The following PADI2 variants were observed in gnomAD, a reference collection of about 807,000 sequenced individuals.
PADI2 encodes peptidyl arginine deiminase 2, also known as protein-arginine deiminase type-2.
PADI2 carries 70 observed loss-of-function variants against 81.1 expected under a neutral mutation model. The ratio of observed to expected loss-of-function variants is 0.86; its 90% CI spans 0.71 to 1.05. PADI2 has a LOEUF of 1.05. Among genes scored for constraint, PADI2 ranks in the 50% least tolerant of loss-of-function variants. The pLI is 0.00. For missense variants in PADI2, 853 were observed against 889.9 expected (o/e 0.96, Z 0.53); for synonymous variants, 338 against 358.0 (o/e 0.94, Z 0.63).
chr1:17,084,591 C>T lies in PADI2; in HGVS notation c.938+8G>A, dbSNP rs2078371102. ...ACGCTGCCTCTCCAGGCTGGGGTCACCCCTTACCAGCACACAAACACCGAC... is the reference window on the plus strand; with the variant it reads ...ACGCTGCCTCTCCAGGCTGGGGTCATCCCTTACCAGCACACAAACACCGAC... On this transcript the variant is annotated splice_region_variant and intron_variant, in intron 8 of 15. Coordinates refer to ENST00000375486, the MANE Select transcript of PADI2 (RefSeq NM_007365.3). 4 of 1,561,474 alleles carry T rather than the reference C, an allele frequency of 2.6e-6. No individual in the cohort carries two copies. Among genetic ancestry groups the T allele is most frequent in the South Asian group, 2.4e-5 (2 of 84,914 alleles).
intron 1 of PADI2, among the ~76,000 whole-genome samples, chr1:17,117,720 T>C (rs1192525660): frequency 6.6e-6 from 1 of 152,204 alleles, no homozygotes; most frequent in Non-Finnish European, 1.5e-5. Context: ...GGGAGGATCA[T>C]GCCAGCTTTT....
At chr1:17,079,881 GC>G (rs1275128185) in intron 10 of PADI2, among the ~76,000 whole-genome samples, 1 of 151,080 alleles carries the variant, frequency 6.6e-6, no homozygotes, top group Non-Finnish European at 1.5e-5. Context: ...TGCAACCTGT[GC>G]CTCTTGGTTC....
intron 1 of PADI2, among the ~76,000 whole-genome samples, chr1:17,108,891 G>T (rs1016470153): frequency 6.6e-6 from 1 of 152,214 alleles, no homozygotes; most frequent in African/African-American, 2.4e-5. Flanking sequence ...GGGAAACTAT[G>T]GCCTCAGGTC....
At chr1:17,083,583 C>T in intron 9 of PADI2, 143 bp downstream of exon 9, 1 of 634,114 alleles carries the variant, frequency 1.6e-6, no homozygotes, top group Non-Finnish European at 2.8e-6. Context: ...ATGTTTATGT[C>T]TTTGTGCACA....
At chr1:17,077,922 G>T (rs1476956178) in intron 11 of PADI2, among the ~76,000 whole-genome samples, 3 of 152,128 alleles carry the variant, frequency 2.0e-5, no homozygotes, top group Non-Finnish European at 4.4e-5. Flanking sequence ...TGGGCAGGGA[G>T]TGAGGAGAAT....
In PADI2 at chr1:17,084,653, G is replaced by A; in HGVS notation, c.884C>T (p.Ala295Val). The change falls in exon 8 of 16, where the codon GCT (alanine) becomes GTT (valine). Residue 295 changes from alanine (A) to valine (V), a missense_variant. Ala to Val is a moderately conservative substitution (Grantham distance 64, BLOSUM62 0). Transcript: ENST00000375486. ...GATGTTGGGGGTCATGATCCACGGA[G>A]CAATCCGGAATATCACGGTGTCCGT... ...IFTDTVIFRI[A>V]PWIMTPNILP... 6.3e-7 allele frequency: 1 copy of A among 1,577,022 alleles called. No homozygotes were observed. Among genetic ancestry groups the A allele is most frequent in the Non-Finnish European group, 8.6e-7 (1 of 1,161,228 alleles).
chr1:17,110,363 A>G (rs911888708), intron 1 of PADI2, among the ~76,000 whole-genome samples: 1 of 152,166 alleles, frequency 6.6e-6, no homozygotes, highest in African/African-American at 2.4e-5. Context: ...CCTGCCTACC[A>G]TGGAATCCCA....
rs1931743562 is a variant in PADI2 at position 17,115,993 on chromosome 1, C to A, written c.92+3287G>T. Among the ~76,000 whole-genome samples, 1 of 152,210 alleles carries A rather than the reference C, an allele frequency of 6.6e-6. No individual in the cohort carries two copies. Among genetic ancestry groups the A allele is most frequent in the South Asian group, 2.1e-4 (1 of 4,830 alleles). ...GAGAGCGTGGGTGGCCCAGAGCACC[C>A]CTGCCCATGGTGGCCTGGATGACCC... is the stretch of plus-strand genomic sequence containing the variant. On this transcript the variant is annotated intron_variant, in intron 1 of 15. Coordinates refer to ENST00000375486, the MANE Select transcript of PADI2 (RefSeq NM_007365.3). The surrounding 1 kb of genome is among the most constrained non-coding windows in gnomAD (Gnocchi z 4.1).
In PADI2 at chr1:17,103,047, A is replaced by G. The variant is rs760846767; in HGVS notation, c.289T>C (p.Tyr97His). 6.2e-7 allele frequency: 1 copy of G among 1,612,672 alleles called. No homozygotes were observed. Among genetic ancestry groups the G allele is most frequent in the Non-Finnish European group, 8.5e-7 (1 of 1,178,852 alleles). Residue 97 changes from tyrosine to histidine, a missense_variant, in exon 3 of 16, where the codon TAC becomes CAC. Tyr to His is a moderately conservative substitution (Grantham distance 83). Coordinates refer to ENST00000375486, the MANE Select transcript of PADI2 (RefSeq NM_007365.3). Reference protein sequence around the residue: ...EASSDKVTVNYYDEEGSIPID... With the variant: ...EASSDKVTVNHYDEEGSIPID... ...GGAATGCTCCCTTCCTCGTCATAGTAGTTGACGGTGACCTTGGTGGGGAGG... is the reference window on the plus strand; with the variant it reads ...GGAATGCTCCCTTCCTCGTCATAGTGGTTGACGGTGACCTTGGTGGGGAGG...
intron 1 of PADI2, among the ~76,000 whole-genome samples, chr1:17,106,837 C>T (rs1294551385): frequency 2.0e-5 from 3 of 151,966 alleles, no homozygotes; most frequent in African/African-American, 4.8e-5. Context: ...AGAGATCTCT[C>T]TCCATGGACT....
rs915677297 is a variant in PADI2 at position 17,067,726 on chromosome 1, T to A, written c.*1318A>T. On this transcript the variant is annotated 3_prime_UTR_variant, in exon 16 of 16. Transcript: ENST00000375486. Reference sequence around the variant, plus strand: ...CTGGCGCTTAGTGGCATACAACAAATGTTTGTTGAATGGTTGAAGGAAATA... The same window carrying A: ...CTGGCGCTTAGTGGCATACAACAAAAGTTTGTTGAATGGTTGAAGGAAATA... 1.3e-5 allele frequency: 2 copies of A among 152,282 alleles called. No homozygotes were observed. The highest frequency in any genetic ancestry group is 6.5e-5 in the Admixed American group (1 of 15,308). 9.4% of individuals were successfully genotyped at this position (152,282 alleles called of 1,614,324 possible). A position where few individuals can be genotyped will look rare whatever the true frequency, so the allele number is the denominator to read the frequency against.
intron 6 of PADI2, 130 bp from the exon 7 acceptor site, chr1:17,086,829 A>C: frequency 2.8e-6 from 2 of 715,688 alleles, no homozygotes; most frequent in Middle Eastern, 3.2e-4. Context: ...CAAGCAGAAA[A>C]TGCCACCAGA....
chr1:17,094,719 T>C (rs1308082249), intron 4 of PADI2, among the ~76,000 whole-genome samples: 2 of 152,206 alleles, frequency 1.3e-5, no homozygotes, highest in African/African-American at 4.8e-5. Context: ...ATGTGAAAAC[T>C]TCACCGGCCC....
At position 17,093,628 on chromosome 1, in the gene PADI2, G is replaced by C. The variant is rs757179565; in HGVS notation, c.468C>G (p.Asp156Glu). 6.2e-7 allele frequency: 1 copy of C among 1,613,922 alleles called. No individual in the cohort carries two copies. Among genetic ancestry groups the C allele is most frequent in the African/African-American group, 1.3e-5 (1 of 74,908 alleles). The change falls in exon 5 of 16, where the codon GAC becomes GAG. Residue 156 changes from aspartate (D) to glutamate (E), a missense_variant. Asp to Glu is a conservative substitution (Grantham distance 45). Transcript: ENST00000375486. The stretch of plus-strand genomic sequence containing the variant: ...CCTTGGGCAACCAGGGTGTCTCTCG[G>C]TCACAGTTCACCAGCAGGATGGCCC... ...GQGAILLVNC[D>E]RETPWLPKED... is the part of the protein sequence containing the mutation.
At chr1:17,106,409 G>A (rs1268258728) in intron 1 of PADI2, among the ~76,000 whole-genome samples, 2 of 151,438 alleles carry the variant, frequency 1.3e-5, no homozygotes, top group Non-Finnish European at 2.9e-5. Context: ...GGTAATTAAG[G>A]TTAGGTGAGG....
chr1:17,106,169 C>T (rs1040861241), intron 1 of PADI2, among the ~76,000 whole-genome samples: 14 of 152,166 alleles, frequency 9.2e-5, no homozygotes, highest in African/African-American at 2.9e-4. Context: ...CACCTGACAT[C>T]CCCCACCTTC....
At chr1:17,114,517 A>AGTT (rs1931696005) in intron 1 of PADI2, among the ~76,000 whole-genome samples, 2 of 152,104 alleles carry the variant, frequency 1.3e-5, no homozygotes, top group Non-Finnish European at 2.9e-5. Flanking sequence ...TAACTCATAA[A>AGTT]GTTGTTGCAA....
intron 7 of PADI2, among the ~76,000 whole-genome samples, chr1:17,085,333 T>C (rs893410399): frequency 2.0e-5 from 3 of 152,044 alleles, no homozygotes; most frequent in Admixed American, 1.3e-4. Flanking sequence ...CCATCCTTGG[T>C]GGGGAGGTGC....
chr1:17,102,916 G>A (rs1393359957), intron 3 of PADI2, 71 bp downstream of exon 3: 7 of 1,146,694 alleles, frequency 6.1e-6, no homozygotes, highest in Non-Finnish European at 9.1e-6. Flanking sequence ...CCGCCTAAGT[G>A]CCCCAGAGAA....
Sources: gnomAD v4.1 joint callset for allele counts (sites outside exome capture counted in the v4.1 genomes callset) on GRCh38, gnomAD v4.1.1 for gene constraint, Gnocchi (gnomAD v3.1) non-coding constraint, MANE v1.5 for transcripts, NCBI Gene and HGNC (gene_info 2026-07-23, HGNC 2026-07-21) for gene names.